The following SNX9 variants were observed in gnomAD, a reference collection of about 807,000 sequenced individuals.
SNX9 encodes sorting nexin-9.
A neutral mutation model predicts 89.4 loss-of-function variants in SNX9; 44 were observed. That is an observed-to-expected ratio of 0.49 (90% CI 0.39 to 0.63). The LOEUF is 0.63. SNX9 is among the 30% of genes least tolerant of loss of function. The probability of loss-of-function intolerance (pLI) is 0.00; values close to 1 mark genes in which losing one functional copy is unlikely to be tolerated. For synonymous variants in SNX9, 236 were observed against 247.8 expected, an observed-to-expected ratio of 0.95 and a Z score of 0.45; for missense variants, 578 against 736.1, an observed-to-expected ratio of 0.79 and a Z score of 2.49.
At chr6:157,918,876 T>C (rs1418555961) in intron 9 of SNX9, among the ~76,000 whole-genome samples, 1 of 152,102 alleles carries the variant, frequency 6.6e-6, no homozygotes, top group South Asian at 2.1e-4. Context: ...CTTTATTCCC[T>C]TCCCTCATTT....
At position 157,827,879 on chromosome 6, in the gene SNX9, A is replaced by T. The variant is rs534472315; in HGVS notation, c.12+4433A>T. Among the ~76,000 whole-genome samples the T allele has an allele frequency of 1.6e-3, 240 of 145,986 alleles. 1 individual carries two copies. Among genetic ancestry groups the T allele is most frequent in the Non-Finnish European group, 2.8e-3 (190 of 66,848 alleles). ...TCCTGATGCTTTTTTTTTTTTTTTA[A>T]CTCTTCGGTTCCAATACCTAAAGTT... On this transcript the variant is annotated intron_variant, in intron 1 of 17. Coordinates refer to ENST00000392185, the MANE Select transcript of SNX9 (RefSeq NM_016224.5).
At chr6:157,835,533 CTCT>C (rs1188812686) in intron 1 of SNX9, among the ~76,000 whole-genome samples, 1 of 151,630 alleles carries the variant, frequency 6.6e-6, no homozygotes, top group Non-Finnish European at 1.5e-5. Flanking sequence ...CTGCCTCATC[CTCT>C]TGAGTATCTG....
chr6:157,847,308 G>A (rs545072686), intron 1 of SNX9, among the ~76,000 whole-genome samples: 1 of 151,998 alleles, frequency 6.6e-6, no homozygotes, highest in Non-Finnish European at 1.5e-5. Context: ...TTGCCATGTT[G>A]CCCAGACTGG....
chr6:157,877,966 G>A (rs190325996), intron 4 of SNX9, among the ~76,000 whole-genome samples: 7 of 152,104 alleles, frequency 4.6e-5, no homozygotes, highest in African/African-American at 1.4e-4. Flanking sequence ...AACTTATTTC[G>A]AGCCTGCTAC....
At chr6:157,855,188 A>T (rs896827719) in intron 1 of SNX9, among the ~76,000 whole-genome samples, 1 of 152,138 alleles carries the variant, frequency 6.6e-6, no homozygotes, top group African/African-American at 2.4e-5. Context: ...CACTTAATAC[A>T]TATATATTAG....
At chr6:157,876,270 G>A (rs1782517241) in intron 4 of SNX9, among the ~76,000 whole-genome samples, 1 of 152,126 alleles carries the variant, frequency 6.6e-6, no homozygotes. Context: ...TGGCCAACAT[G>A]GTGAAACCCC....
At chr6:157,895,969 C>T (rs1782969320) in intron 4 of SNX9, among the ~76,000 whole-genome samples, 1 of 152,214 alleles carries the variant, frequency 6.6e-6, no homozygotes, top group Admixed American at 6.5e-5. Flanking sequence ...TGCTTTAACC[C>T]TTACGAAAAA....
intron 1 of SNX9, among the ~76,000 whole-genome samples, chr6:157,852,820 C>A (rs1382287197): frequency 6.6e-6 from 1 of 152,118 alleles, no homozygotes; most frequent in Non-Finnish European, 1.5e-5. Context: ...GCGATCTGTC[C>A]ACCTCGGCCT....
intron 1 of SNX9, among the ~76,000 whole-genome samples, chr6:157,839,541 T>G (rs978393031): frequency 1.3e-5 from 2 of 152,256 alleles, no homozygotes; most frequent in Non-Finnish European, 2.9e-5. Context: ...AATAATTGAA[T>G]GGATTCAGGT....
At chr6:157,923,469 A>G (rs1220081320) in intron 10 of SNX9, among the ~76,000 whole-genome samples, 1 of 152,130 alleles carries the variant, frequency 6.6e-6, no homozygotes, top group Non-Finnish European at 1.5e-5. Flanking sequence ...CATCAAAAGT[A>G]TCAAATATCC....
chr6:157,823,898 G>T lies in SNX9; in HGVS notation c.12+452G>T, dbSNP rs991496125. 2.0e-5 allele frequency among the ~76,000 whole-genome samples: 3 copies of T among 151,908 alleles called. No individual in the cohort carries two copies. The highest frequency in any genetic ancestry group is 7.2e-5 in the African/African-American group (3 of 41,422). ...CCCTCGCCCCCGCGGGGCGGGTGGG[G>T]GTCGAGACCTCGGCGGAGAGGACGC... On this transcript the variant is annotated intron_variant, in intron 1 of 17. Coordinates refer to ENST00000392185, the MANE Select transcript of SNX9 (RefSeq NM_016224.5). The surrounding 1 kb of genome is among the most constrained non-coding windows in gnomAD (Gnocchi z 4.6).
chr6:157,905,957 A>C (rs1206399997), intron 6 of SNX9, among the ~76,000 whole-genome samples, 171 bp from the exon 7 acceptor site: 3 of 152,222 alleles, frequency 2.0e-5, no homozygotes, highest in Non-Finnish European at 4.4e-5. Flanking sequence ...TTAAATGCCT[A>C]ATTGGCCATT....
At position 157,867,636 on chromosome 6, in the gene SNX9, A is replaced by C. The variant is rs1562598965; in HGVS notation, c.99+3A>C. On this transcript the variant is annotated splice_donor_region_variant and intron_variant, in intron 2 of 17. Coordinates refer to ENST00000392185, the MANE Select transcript of SNX9 (RefSeq NM_016224.5). Reference sequence around the variant, plus strand: ...AAATCATCACAATCACAAATCCGGTAAGAGAACTGTACATTCGAGTCTGAT... The same window carrying C: ...AAATCATCACAATCACAAATCCGGTCAGAGAACTGTACATTCGAGTCTGAT... 6.2e-7 allele frequency: 1 copy of C among 1,608,628 alleles called. No homozygotes were observed. Among genetic ancestry groups the C allele is most frequent in the East Asian group, 2.2e-5 (1 of 44,678 alleles).
chr6:157,834,161 T>TTG (rs1781532003), intron 1 of SNX9, among the ~76,000 whole-genome samples: 2 of 99,542 alleles, frequency 2.0e-5, no homozygotes, highest in Non-Finnish European at 3.9e-5. Flanking sequence ...TTTTTTTTTT[T>TTG]TTTTTTTTTT....
At chr6:157,939,439 A>G (rs543975528) in intron 16 of SNX9, among the ~76,000 whole-genome samples, 9 of 152,250 alleles carry the variant, frequency 5.9e-5, no homozygotes, top group East Asian at 1.9e-4. Flanking sequence ...AAAAAAATCA[A>G]TCCTCAAGGG....
At chr6:157,929,125 C>G (rs1448730119) in intron 12 of SNX9, among the ~76,000 whole-genome samples, 2 of 152,166 alleles carry the variant, frequency 1.3e-5, no homozygotes. Flanking sequence ...GAAAATATGT[C>G]ACAGCAGAAG....
rs141851391 is a variant in SNX9 at position 157,867,653 on chromosome 6, G to A, written c.99+20G>A. On this transcript the variant is annotated intron_variant, in intron 2 of 17. Transcript: ENST00000392185. ...AATCCGGTAAGAGAACTGTACATTCGAGTCTGATTGTCCCATGTGGACTTA... is the reference window on the plus strand; with the variant it reads ...AATCCGGTAAGAGAACTGTACATTCAAGTCTGATTGTCCCATGTGGACTTA... The A allele has an allele frequency of 1.4e-4, 222 of 1,561,836 alleles. No homozygotes were observed. The East Asian group carries it at 4.9e-3, about 35-fold the overall frequency.
chr6:157,912,174 A>G (rs1351808648), intron 9 of SNX9, among the ~76,000 whole-genome samples: 1 of 152,194 alleles, frequency 6.6e-6, no homozygotes, highest in East Asian at 1.9e-4. Flanking sequence ...CTTTCCATGA[A>G]AACTTCAGTT....
At chr6:157,906,741 T>A (rs1282659462) in intron 7 of SNX9, among the ~76,000 whole-genome samples, 1 of 152,218 alleles carries the variant, frequency 6.6e-6, no homozygotes, top group African/African-American at 2.4e-5. Flanking sequence ...ACTTGGTTAT[T>A]GCATAATGTG....
Sources: gnomAD v4.1 joint callset for allele counts (sites outside exome capture counted in the v4.1 genomes callset) on GRCh38, gnomAD v4.1.1 for gene constraint, Gnocchi (gnomAD v3.1) non-coding constraint, MANE v1.5 for transcripts, NCBI Gene and HGNC (gene_info 2026-07-23, HGNC 2026-07-21) for gene names.